Variants in HDAC9 observed in about 807,000 individuals in gnomAD.
The protein encoded by HDAC9 is MEF-2 interacting transcription repressor (MITR) protein.
A neutral mutation model predicts 139.4 loss-of-function variants in HDAC9; 41 were observed. The ratio of observed to expected loss-of-function variants is 0.29; its 90% CI spans 0.23 to 0.38. The LOEUF is 0.38. Ranked by LOEUF, HDAC9 falls within the 10% of genes least tolerant of loss-of-function variation. The pLI, the probability that HDAC9 is intolerant of heterozygous loss-of-function variation, is 1.00. For synonymous variants in HDAC9, 517 were observed against 476.2 expected (o/e 1.09, Z -1.12); for missense variants, 1,147 against 1,297.0 (o/e 0.88, Z 1.78).
chr7:18,875,135 C>T lies in HDAC9; in HGVS notation c.2803+539C>T, dbSNP rs191255171. 1.8e-3 allele frequency among the ~76,000 whole-genome samples: 277 copies of T among 152,176 alleles called. 1 individual carries two copies. Among genetic ancestry groups the T allele is most frequent in the African/African-American group, 6.5e-3 (268 of 41,526 alleles). On this transcript the variant is annotated intron_variant, in intron 22 of 25. Transcript: ENST00000686413. ...AAAGTTGGACTTTTTGGCTGTGTTC[C>T]TTAGCAACTGGACACCACATGAAGA...
Position 18,642,752 on chromosome 7 carries a change from A to G in HDAC9, c.913-1919A>G, listed in dbSNP as rs182282345. On this transcript the variant is annotated intron_variant, in intron 8 of 25. Coordinates refer to ENST00000686413, the MANE Select transcript of HDAC9 (RefSeq NM_178425.4). Reference sequence around the variant, plus strand: ...TGTGAGGAGCCAGTGTGTTGCTGCCATTATTACGTCTGAGAAGATAATCTA... The same window carrying G: ...TGTGAGGAGCCAGTGTGTTGCTGCCGTTATTACGTCTGAGAAGATAATCTA... 1.1e-3 allele frequency among the ~76,000 whole-genome samples: 174 copies of G among 152,234 alleles called. 1 individual carries two copies. Among genetic ancestry groups the G allele is most frequent in the Admixed American group, 4.6e-3 (70 of 15,278 alleles).
intron 1 of HDAC9, among the ~76,000 whole-genome samples, chr7:18,424,178 A>T (rs950378370): frequency 4.6e-5 from 7 of 152,200 alleles, no homozygotes; most frequent in Non-Finnish European, 7.3e-5. Context: ...TCAATTTCCA[A>T]ATGTTTACTG....
chr7:18,822,975 T>G (rs1232079840), intron 17 of HDAC9, among the ~76,000 whole-genome samples: 1 of 152,230 alleles, frequency 6.6e-6, no homozygotes, highest in East Asian at 1.9e-4. Context: ...ATATAATACT[T>G]TTATTTGTCA....
chr7:18,824,054 G>GAAT (rs1795208462), intron 17 of HDAC9, among the ~76,000 whole-genome samples: 1 of 145,632 alleles, frequency 6.9e-6, no homozygotes. Context: ...GGAAGAAGAA[G>GAAT]AAGAAGAAGA....
intron 2 of HDAC9, among the ~76,000 whole-genome samples, chr7:18,513,114 A>G (rs1179957590): frequency 6.6e-6 from 1 of 152,210 alleles, no homozygotes; most frequent in African/African-American, 2.4e-5. Flanking sequence ...TCAAATATCT[A>G]TGTTTGCAAT....
intron 2 of HDAC9, among the ~76,000 whole-genome samples, chr7:18,510,250 T>G (rs1801080700): frequency 6.6e-6 from 1 of 152,160 alleles, no homozygotes; most frequent in African/African-American, 2.4e-5. Flanking sequence ...AATATTCTTA[T>G]TTGATGTGAT....
intron 1 of HDAC9, among the ~76,000 whole-genome samples, chr7:18,448,249 A>G (rs1415681363): frequency 6.6e-6 from 1 of 152,220 alleles, no homozygotes; most frequent in East Asian, 1.9e-4. Flanking sequence ...AACACATTAA[A>G]TTTATTCTGT....
chr7:18,098,440 C>G (rs1314356159), intron 1 of HDAC9, among the ~76,000 whole-genome samples: 1 of 152,166 alleles, frequency 6.6e-6, no homozygotes, highest in Non-Finnish European at 1.5e-5. Context: ...CACTCATTTT[C>G]TGTTTACTGC....
chr7:18,579,062 C>T (rs751769752), intron 2 of HDAC9, among the ~76,000 whole-genome samples: 1 of 152,194 alleles, frequency 6.6e-6, no homozygotes, highest in Non-Finnish European at 1.5e-5. Flanking sequence ...GCACCACTTG[C>T]TAAGTTAGCA....
At chr7:18,972,301 C>T (rs574771805) in intron 24 of HDAC9, among the ~76,000 whole-genome samples, 7 of 149,136 alleles carry the variant, frequency 4.7e-5, no homozygotes, top group African/African-American at 1.7e-4. Context: ...CCAGTGACTT[C>T]TTCCGGATTA....
At chr7:18,372,528 G>T (rs1024101108) in intron 1 of HDAC9, among the ~76,000 whole-genome samples, 3 of 152,180 alleles carry the variant, frequency 2.0e-5, no homozygotes, top group African/African-American at 7.2e-5. Flanking sequence ...GCTTTGGCTT[G>T]CTTAGTATAG....
At chr7:18,834,524 C>T (rs573471105) in intron 19 of HDAC9, among the ~76,000 whole-genome samples, 71 of 139,212 alleles carry the variant, frequency 5.1e-4, no homozygotes, top group Non-Finnish European at 8.4e-4. Context: ...AGTTTTATAT[C>T]AGGCTTTTTT....
At chr7:18,692,898 T>C (rs1192841150) in intron 12 of HDAC9, among the ~76,000 whole-genome samples, 2 of 152,142 alleles carry the variant, frequency 1.3e-5, no homozygotes, top group Admixed American at 6.6e-5. Context: ...CAGATGTTTG[T>C]AGTAAAAGAA....
At chr7:18,432,012 G>A (rs578030190) in intron 1 of HDAC9, among the ~76,000 whole-genome samples, 1 of 152,306 alleles carries the variant, frequency 6.6e-6, no homozygotes, top group East Asian at 1.9e-4. Context: ...GCAAGTACTG[G>A]TTGAAGTGTC....
chr7:18,195,521 A>C (rs970334721), intron 2 of HDAC9, among the ~76,000 whole-genome samples: 2 of 152,172 alleles, frequency 1.3e-5, no homozygotes, highest in Admixed American at 1.3e-4. Flanking sequence ...TTTGTTGCCA[A>C]ACAATTTCTG....
intron 17 of HDAC9, among the ~76,000 whole-genome samples, chr7:18,816,109 A>T (rs1794543490): frequency 1.3e-5 from 2 of 152,252 alleles, no homozygotes; most frequent in Admixed American, 1.3e-4. Flanking sequence ...TTTGAATGTC[A>T]ATACCAATAG....
At chr7:18,536,412 TAAG>T (rs765951383) in intron 2 of HDAC9, among the ~76,000 whole-genome samples, 26 of 152,262 alleles carry the variant, frequency 1.7e-4, no homozygotes, top group Non-Finnish European at 3.5e-4. Context: ...GAGCCCAAAA[TAAG>T]AAAGAACTAT....
At chr7:18,983,913 C>G (rs948905501) in intron 25 of HDAC9, among the ~76,000 whole-genome samples, 2 of 152,212 alleles carry the variant, frequency 1.3e-5, no homozygotes, top group African/African-American at 4.8e-5. Flanking sequence ...TGTCCTCTAC[C>G]TTCTTCCACC....
intron 17 of HDAC9, chr7:18,808,137 C>G (rs1407125024): frequency 6.6e-6 from 1 of 152,176 alleles, no homozygotes; most frequent in East Asian, 1.9e-4. Flanking sequence ...ACGTCATCCT[C>G]TTCAACTAAG....
Sources: gnomAD v4.1 joint callset for allele counts (sites outside exome capture counted in the v4.1 genomes callset) on GRCh38, gnomAD v4.1.1 for gene constraint, MANE v1.5 for transcripts, NCBI Gene and HGNC (gene_info 2026-07-23, HGNC 2026-07-21) for gene names.